GALNT17: variants seen among roughly 807,000 people sequenced by gnomAD.
The protein encoded by GALNT17 is polypeptide N-acetylgalactosaminyltransferase 17.
In GALNT17, 29 loss-of-function variants were observed where a neutral mutation model predicts 63.7. The ratio of observed to expected loss-of-function variants is 0.46; its 90% CI spans 0.34 to 0.62. The LOEUF (loss-of-function observed/expected upper bound fraction) is 0.62. Ranked by LOEUF, GALNT17 falls within the 20% of genes least tolerant of loss-of-function variation. The pLI, the probability that GALNT17 is intolerant of heterozygous loss-of-function variation, is 0.01. For synonymous variants in GALNT17, 305 were observed against 318.3 expected, an observed-to-expected ratio of 0.96 and a Z score of 0.45; for missense variants, 603 against 799.6, an observed-to-expected ratio of 0.75 and a Z score of 2.97.
intron 5 of GALNT17, among the ~76,000 whole-genome samples, chr7:71,461,398 G>A (rs1787448044): frequency 6.6e-6 from 1 of 152,146 alleles, no homozygotes; most frequent in Non-Finnish European, 1.5e-5. Context: ...TTGACCTACT[G>A]TACTTTGTTC....
At chr7:71,643,565 C>G (rs1434977314) in intron 6 of GALNT17, among the ~76,000 whole-genome samples, 1 of 152,190 alleles carries the variant, frequency 6.6e-6, no homozygotes, top group African/African-American at 2.4e-5. Flanking sequence ...TATGTTTTCT[C>G]TGAGCCAGAG....
chr7:71,640,245 T>C (rs190326048), intron 6 of GALNT17, among the ~76,000 whole-genome samples: 102 of 152,310 alleles, frequency 6.7e-4, no homozygotes, highest in Non-Finnish European at 6.0e-4. Flanking sequence ...CAAGCACCTC[T>C]TTGGTTCGAT....
At chr7:71,625,009 A>C (rs1790351120) in intron 6 of GALNT17, among the ~76,000 whole-genome samples, 1 of 152,204 alleles carries the variant, frequency 6.6e-6, no homozygotes, top group Non-Finnish European at 1.5e-5. Flanking sequence ...GTCATAGCAT[A>C]ATTATAAAAA....
chr7:71,145,487 G>T (rs1342578696), intron 1 of GALNT17, among the ~76,000 whole-genome samples: 2 of 152,048 alleles, frequency 1.3e-5, no homozygotes, highest in African/African-American at 2.4e-5. Context: ...GACAGAGTGA[G>T]ACCCTGTTTC....
chr7:71,203,952 T>C (rs1300472882), intron 1 of GALNT17, among the ~76,000 whole-genome samples: 1 of 152,186 alleles, frequency 6.6e-6, no homozygotes, highest in Non-Finnish European at 1.5e-5. Flanking sequence ...TTTTTGCTTT[T>C]GTTGTCTGTG....
intron 1 of GALNT17, among the ~76,000 whole-genome samples, chr7:71,193,447 C>G (rs1408321835): frequency 7.9e-6 from 1 of 125,996 alleles, no homozygotes; most frequent in Non-Finnish European, 1.6e-5. Context: ...CACTGATACG[C>G]TTTTGTCTTT....
chr7:71,350,929 C>T (rs1792177314), intron 2 of GALNT17, among the ~76,000 whole-genome samples: 1 of 152,148 alleles, frequency 6.6e-6, no homozygotes, highest in Non-Finnish European at 1.5e-5. Context: ...TCACTTAAGG[C>T]CAGGAGTTTA....
intron 3 of GALNT17, among the ~76,000 whole-genome samples, chr7:71,389,081 T>C (rs891970940): frequency 6.6e-6 from 1 of 152,028 alleles, no homozygotes; most frequent in Non-Finnish European, 1.5e-5. Flanking sequence ...TAGCTTCTCA[T>C]AGGAGCATGA....
chr7:71,554,363 T>C (rs1341433209), intron 5 of GALNT17, among the ~76,000 whole-genome samples: 4 of 152,200 alleles, frequency 2.6e-5, no homozygotes, highest in Admixed American at 2.6e-4. Context: ...AAGACGTGAC[T>C]TTGTTCCTCC....
chr7:71,238,686 C>T (rs1362729761), intron 1 of GALNT17, among the ~76,000 whole-genome samples: 1 of 152,132 alleles, frequency 6.6e-6, no homozygotes, highest in Non-Finnish European at 1.5e-5. Flanking sequence ...GGTTAAACAC[C>T]CATTCATACC....
intron 2 of GALNT17, among the ~76,000 whole-genome samples, chr7:71,365,076 CT>C (rs907036741): frequency 2.0e-5 from 3 of 151,450 alleles, no homozygotes; most frequent in Non-Finnish European, 4.4e-5. Context: ...GATTACAGGC[CT>C]GTGCAACACC....
intron 5 of GALNT17, among the ~76,000 whole-genome samples, chr7:71,457,453 G>A (rs762278733): frequency 1.5e-4 from 23 of 152,314 alleles, no homozygotes; most frequent in African/African-American, 5.3e-4. Flanking sequence ...CAAGTCCGTA[G>A]AGTAAAGTGA....
At chr7:71,462,441 C>T (rs1359748134) in intron 5 of GALNT17, among the ~76,000 whole-genome samples, 4 of 152,120 alleles carry the variant, frequency 2.6e-5, no homozygotes, top group Non-Finnish European at 5.9e-5. Flanking sequence ...TAGCTGTGAA[C>T]CCCCCAAATT....
intron 9 of GALNT17, among the ~76,000 whole-genome samples, chr7:71,696,632 A>C (rs1383342792): frequency 6.6e-6 from 1 of 152,254 alleles, no homozygotes; most frequent in East Asian, 1.9e-4. Flanking sequence ...AGGCTGTTAA[A>C]TTTGGGTTAA....
intron 6 of GALNT17, among the ~76,000 whole-genome samples, chr7:71,655,880 G>A (rs986691839): frequency 3.9e-5 from 6 of 152,080 alleles, no homozygotes; most frequent in South Asian, 2.1e-4. Flanking sequence ...AATCTAGCTC[G>A]TGTTGAGTTC....
chr7:71,414,832 C>T (rs759074911), intron 3 of GALNT17, among the ~76,000 whole-genome samples: 1 of 152,186 alleles, frequency 6.6e-6, no homozygotes, highest in Non-Finnish European at 1.5e-5. Flanking sequence ...TTGTAGCATT[C>T]CATGACCTGT....
intron 5 of GALNT17, among the ~76,000 whole-genome samples, chr7:71,491,521 A>G (rs879867935): frequency 6.6e-6 from 1 of 152,150 alleles, no homozygotes; most frequent in African/African-American, 2.4e-5. Flanking sequence ...GACCCCGGTA[A>G]ATTAATCCAC....
intron 6 of GALNT17, among the ~76,000 whole-genome samples, chr7:71,596,592 C>T (rs1269308407): frequency 2.6e-5 from 4 of 151,980 alleles, no homozygotes; most frequent in African/African-American, 9.7e-5. Flanking sequence ...GTTTGCAACC[C>T]TGAAGATGAG....
intron 6 of GALNT17, among the ~76,000 whole-genome samples, chr7:71,585,855 A>G (rs1028711084): frequency 1.3e-5 from 2 of 151,240 alleles, no homozygotes; most frequent in Non-Finnish European, 1.5e-5. Context: ...CCTTTTTCCT[A>G]TCAGTTCTTT....
Sources: allele counts gnomAD v4.1 joint callset (sites outside exome capture counted in the v4.1 genomes callset), GRCh38; gene constraint gnomAD v4.1.1; transcripts MANE v1.5; gene names NCBI Gene and HGNC (gene_info 2026-07-23, HGNC 2026-07-21).